The following CNBD1 variants were observed in gnomAD, a reference collection of about 807,000 sequenced individuals.
CNBD1 encodes cyclic nucleotide binding domain containing 1.
A neutral mutation model predicts 54.4 loss-of-function variants in CNBD1; 71 were observed. That is an observed-to-expected ratio of 1.30 (90% CI 1.08 to 1.59). CNBD1 has a LOEUF of 1.59. CNBD1 is among the 40% of genes most tolerant of loss of function. The pLI, the probability that CNBD1 is intolerant of heterozygous loss-of-function variation, is 0.00. For missense variants in CNBD1, 659 were observed against 518.0 expected, an observed-to-expected ratio of 1.27 and a Z score of -2.64; for synonymous variants, 182 against 170.7, an observed-to-expected ratio of 1.07 and a Z score of -0.51.
chr8:87,291,209 T>C (rs1042688171), intron 8 of CNBD1, among the ~76,000 whole-genome samples: 2 of 152,196 alleles, frequency 1.3e-5, no homozygotes, highest in African/African-American at 4.8e-5. Context: ...TCTTCTCTTT[T>C]TGTTCATGTT....
At chr8:87,152,467 A>G (rs1812625305) in intron 4 of CNBD1, among the ~76,000 whole-genome samples, 1 of 151,094 alleles carries the variant, frequency 6.6e-6, no homozygotes, top group Admixed American at 6.6e-5. Flanking sequence ...TCTCAAAAAA[A>G]TCTCATAACG....
chr8:87,399,085 A>G (rs1447606661), intron 2 of CNBD1, among the ~76,000 whole-genome samples: 1 of 152,088 alleles, frequency 6.6e-6, no homozygotes, highest in African/African-American at 2.4e-5. Flanking sequence ...TATTGATTTC[A>G]TTATAATGGA....
intron 6 of CNBD1, among the ~76,000 whole-genome samples, chr8:87,264,477 A>G (rs1586374839): frequency 6.6e-6 from 1 of 152,118 alleles, no homozygotes; most frequent in African/African-American, 2.4e-5. Flanking sequence ...GTGTGTCTTT[A>G]TAGTAGCATG....
chr8:87,350,707 G>A (rs981073861), intron 8 of CNBD1, among the ~76,000 whole-genome samples: 1 of 151,980 alleles, frequency 6.6e-6, no homozygotes, highest in Non-Finnish European at 1.5e-5. Flanking sequence ...TTGTATATGT[G>A]TCTTTATATT....
intron 6 of CNBD1, 135 bp from the exon 7 acceptor site, chr8:87,284,543 G>A: frequency 3.3e-6 from 2 of 600,828 alleles, no homozygotes. Context: ...GAAGTAGTAG[G>A]AGCCATCCAT....
chr8:87,365,768 C>T (rs972972161), intron 10 of CNBD1, among the ~76,000 whole-genome samples: 1 of 151,858 alleles, frequency 6.6e-6, no homozygotes, highest in Non-Finnish European at 1.5e-5. Context: ...TTATGCATGC[C>T]TCTATTAAAA....
At chr8:87,405,698 C>T (rs1396619491) in intron 2 of CNBD1, among the ~76,000 whole-genome samples, 2 of 152,044 alleles carry the variant, frequency 1.3e-5, no homozygotes, top group Non-Finnish European at 2.9e-5. Flanking sequence ...CTTGAAAATT[C>T]CTTCCCTAGG....
intron 4 of CNBD1, among the ~76,000 whole-genome samples, chr8:87,106,310 T>G (rs1586260356): frequency 6.6e-6 from 1 of 151,994 alleles, no homozygotes; most frequent in Non-Finnish European, 1.5e-5. Context: ...CCCTCCTGGG[T>G]TCAAGCAATT....
rs998494614 is a variant in CNBD1, at chr8:87,280,194, A to G, written c.772-4484A>G. 1.3e-4 allele frequency among the ~76,000 whole-genome samples: 20 copies of G among 151,592 alleles called. 1 individual carries two copies. In the Admixed American group the frequency reaches 1.3e-3, roughly 10 times the overall value. On this transcript the variant is annotated intron_variant, in intron 6 of 10. Transcript: ENST00000518476. ...CCCGAAGCATGTGAAATATTATAAA[A>G]TGCAATGTCTTTCTAATCTTTTCTT...
At chr8:87,175,845 A>G (rs1314483921) in intron 4 of CNBD1, among the ~76,000 whole-genome samples, 3 of 152,158 alleles carry the variant, frequency 2.0e-5, no homozygotes, top group Non-Finnish European at 4.4e-5. Context: ...TTAGAGTCCT[A>G]GAGCATTTCA....
At chr8:86,889,346 A>C (rs758500614) in intron 2 of CNBD1, among the ~76,000 whole-genome samples, 10 of 152,212 alleles carry the variant, frequency 6.6e-5, no homozygotes, top group Non-Finnish European at 1.3e-4. Flanking sequence ...TTTACCAGAA[A>C]TACATTCACA....
At chr8:87,062,535 C>G (rs908445340) in intron 4 of CNBD1, among the ~76,000 whole-genome samples, 1 of 152,016 alleles carries the variant, frequency 6.6e-6, no homozygotes, top group Non-Finnish European at 1.5e-5. Flanking sequence ...GTCAGGAGTT[C>G]GAGACCAGCC....
intron 2 of CNBD1, among the ~76,000 whole-genome samples, chr8:87,424,406 G>A (rs1436333799): frequency 1.3e-5 from 2 of 151,988 alleles, no homozygotes; most frequent in Non-Finnish European, 2.9e-5. Context: ...TTCTCTTGTG[G>A]GCATTTAGTG....
intron 2 of CNBD1, among the ~76,000 whole-genome samples, chr8:87,393,698 G>A (rs1563585223): frequency 1.3e-5 from 2 of 151,858 alleles, no homozygotes; most frequent in Non-Finnish European, 2.9e-5. Context: ...GCCAAGATGA[G>A]TGGTTAAAAT....
chr8:87,256,006 TATATA>T lies in CNBD1; in HGVS notation c.771+18895_771+18899del, dbSNP rs1237069439. On this transcript the variant is annotated intron_variant, in intron 6 of 10. Transcript: ENST00000518476. ...ATATATATATATATATATATATATATATATATATATTTTTTTTTTTTTTTTTTTTT... is the reference window on the plus strand; with the variant it reads ...ATATATATATATATATATATATATATTATATTTTTTTTTTTTTTTTTTTTT... Among the ~76,000 whole-genome samples the T allele has an allele frequency of 7.3e-3, 150 of 20,626 alleles. 1 individual carries two copies. The highest frequency in any genetic ancestry group is 8.1e-3 in the African/African-American group (33 of 4,082). The allele number at this position is 20,626 out of a possible 152,430, so 13.5% of individuals were successfully genotyped here. A position where few individuals can be genotyped will look rare whatever the true frequency, so the allele number is the denominator to read the frequency against.
rs530001342 is a variant in CNBD1 at position 87,151,363 on chromosome 8, A to G, written c.432-54630A>G. 4.6e-5 allele frequency among the ~76,000 whole-genome samples: 7 copies of G among 152,358 alleles called. No homozygotes were observed. The East Asian group carries it at 1.2e-3, about 25-fold the overall frequency. ...CAAAATGTTCAAAATTCTCCATACTAATGAAACTCACATTCTAGTGGGAAA... is the reference window on the plus strand; with the variant it reads ...CAAAATGTTCAAAATTCTCCATACTGATGAAACTCACATTCTAGTGGGAAA... On this transcript the variant is annotated intron_variant, in intron 4 of 10. Coordinates refer to ENST00000518476, the MANE Select transcript of CNBD1 (RefSeq NM_173538.3).
intron 1 of CNBD1, among the ~76,000 whole-genome samples, chr8:86,882,454 A>T (rs1808619487): frequency 6.6e-6 from 1 of 152,208 alleles, no homozygotes; most frequent in East Asian, 1.9e-4. Flanking sequence ...GAGAAATGCA[A>T]ATCAAACCAC....
intron 4 of CNBD1, among the ~76,000 whole-genome samples, chr8:87,067,009 T>G (rs755445753): frequency 7.9e-5 from 12 of 151,946 alleles, no homozygotes; most frequent in Non-Finnish European, 1.2e-4. Context: ...CACAACTACT[T>G]CATTAATACA....
chr8:87,271,422 C>T (rs983947733), intron 6 of CNBD1, among the ~76,000 whole-genome samples: 4 of 151,596 alleles, frequency 2.6e-5, no homozygotes, highest in Non-Finnish European at 5.9e-5. Context: ...TTTCTGTATC[C>T]CACAGATGTT....
Sources: allele counts gnomAD v4.1 joint callset (sites outside exome capture counted in the v4.1 genomes callset), GRCh38; gene constraint gnomAD v4.1.1; transcripts MANE v1.5; gene names NCBI Gene and HGNC (gene_info 2026-07-23, HGNC 2026-07-21).